TPRX2: variants seen among roughly 807,000 people sequenced by gnomAD.
TPRX2 encodes tetrapeptide repeat homeobox protein 2.
At chr19:47,859,543 G>A in the TPRX2 span, among the ~76,000 whole-genome samples, 2 of 147,958 alleles carry the variant, frequency 1.4e-5, no homozygotes, top group East Asian at 2.0e-4. Flanking sequence ...GTGGAGACCC[G>A]TCTTTAGCAA....
chr19:47,859,346 C>T, the TPRX2 span, among the ~76,000 whole-genome samples: 1 of 150,030 alleles, frequency 6.7e-6, no homozygotes. Flanking sequence ...TCTGGGCAGC[C>T]AGAGAAGGGC....
chr19:47,859,390 C>T, the TPRX2 span, among the ~76,000 whole-genome samples: 4 of 150,372 alleles, frequency 2.7e-5, no homozygotes, highest in Non-Finnish European at 4.4e-5. Flanking sequence ...GTCCTGCAGA[C>T]GGGGGAGAAC....
the TPRX2 span, chr19:47,860,309 G>A: frequency 2.6e-5 from 29 of 1,134,630 alleles, no homozygotes; most frequent in African/African-American, 5.6e-5. Flanking sequence ...CACCCCGCCC[G>A]CCCCAGTCAC....
At chr19:47,860,734 C>G in the TPRX2 span, 2 of 1,477,682 alleles carry the variant, frequency 1.4e-6, no homozygotes, top group Admixed American at 2.2e-5. Flanking sequence ...GGCGCCGCCC[C>G]CGAGCGGCTC....
the TPRX2 span, chr19:47,861,316 G>A: frequency 2.1e-6 from 1 of 480,864 alleles, no homozygotes; most frequent in African/African-American, 2.0e-5. Flanking sequence ...CCAGCCCCAG[G>A]CGCCTTGTGG....
chr19:47,859,848 G>C, the TPRX2 span, among the ~76,000 whole-genome samples: 1 of 151,020 alleles, frequency 6.6e-6, no homozygotes, highest in African/African-American at 2.4e-5. Flanking sequence ...GGGGAGGGCT[G>C]AGCAGGCCTG....
At chr19:47,861,036 C>T in the TPRX2 span, 1 of 870,462 alleles carries the variant, frequency 1.1e-6, no homozygotes. Flanking sequence ...CTACAGCCTC[C>T]CCCGGACCTG....
chr19:47,859,927 C>T, the TPRX2 span, among the ~76,000 whole-genome samples: 7,455 of 133,204 alleles, frequency 0.056, 376 homozygotes, highest in South Asian at 0.097. Flanking sequence ...TTATCGCGCC[C>T]ATTTCCTAGA....
chr19:47,860,943 C>T, the TPRX2 span: 31,940 of 1,479,944 alleles, frequency 0.022, 465 homozygotes, highest in Middle Eastern at 0.028. Flanking sequence ...CCCTGGGGGT[C>T]CTGAGTTCCC....
At chr19:47,860,984 G>A in the TPRX2 span, 14 of 1,264,240 alleles carry the variant, frequency 1.1e-5, no homozygotes, top group East Asian at 3.5e-4. Context: ...TCTCCCCTCA[G>A]CCGGGCCCCT....
At chr19:47,861,684 G>C in the TPRX2 span, among the ~76,000 whole-genome samples, 1 of 152,214 alleles carries the variant, frequency 6.6e-6, no homozygotes, top group Non-Finnish European at 1.5e-5. Context: ...GAATGTGCCT[G>C]CCTGTCATTT....
chr19:47,861,118 C>A, the TPRX2 span: 5 of 702,444 alleles, frequency 7.1e-6, no homozygotes, highest in Non-Finnish European at 2.6e-6. Context: ...CCAATCCCAG[C>A]CCCTATCCCA....
chr19:47,860,562 C>G, the TPRX2 span, among the ~76,000 whole-genome samples: 1 of 151,744 alleles, frequency 6.6e-6, no homozygotes. Flanking sequence ...CCCTCCCTGG[C>G]CCCCCGGGCA....
chr19:47,861,258 C>G, the TPRX2 span: 1 of 526,768 alleles, frequency 1.9e-6, no homozygotes, highest in East Asian at 4.8e-5. Flanking sequence ...AATCCCAGAC[C>G]CAGTCCTAGG....
chr19:47,860,577 G>GGGAGTCCTCCCA, the TPRX2 span, among the ~76,000 whole-genome samples: 1 of 151,600 alleles, frequency 6.6e-6, no homozygotes, highest in African/African-American at 2.4e-5. Flanking sequence ...CGGGCACCTG[G>GGGAGTCCTCCCA]GCGGCAGACC....
At chr19:47,861,222 C>CCAG in the TPRX2 span, 1 of 582,656 alleles carries the variant, frequency 1.7e-6, no homozygotes, top group Non-Finnish European at 3.3e-6. Context: ...CGGTCCAATA[C>CCAG]CAGCCCCCAT....
At chr19:47,859,490 G>A in the TPRX2 span, among the ~76,000 whole-genome samples, 2 of 150,498 alleles carry the variant, frequency 1.3e-5, no homozygotes, top group East Asian at 1.9e-4. Flanking sequence ...AAGGTGGGAG[G>A]ATCACTTGAG....
the TPRX2 span, chr19:47,861,035 C>G: frequency 1.1e-6 from 1 of 870,068 alleles, no homozygotes; most frequent in East Asian, 2.6e-5. Flanking sequence ...TCTACAGCCT[C>G]CCCCGGACCT....
chr19:47,859,393 G>A, the TPRX2 span, among the ~76,000 whole-genome samples: 1 of 150,722 alleles, frequency 6.6e-6, no homozygotes, highest in African/African-American at 2.5e-5. Context: ...CTGCAGACGG[G>A]GGAGAACTTA....
Sources: allele counts gnomAD v4.1 joint callset (sites outside exome capture counted in the v4.1 genomes callset), GRCh38; gene constraint gnomAD v4.1.1; transcripts MANE v1.5; gene names NCBI Gene and HGNC (gene_info 2026-07-23, HGNC 2026-07-21).